TUSC3: variants seen among roughly 807,000 people sequenced by gnomAD.
The protein encoded by TUSC3 is tumor suppressor candidate 3.
TUSC3 carries 45 observed loss-of-function variants against 44.8 expected under a neutral mutation model. That is an observed-to-expected ratio of 1.00 (90% CI 0.79 to 1.29). The LOEUF is 1.29. Among genes scored for constraint, TUSC3 ranks in the 50% most tolerant of loss-of-function variants. The pLI is 0.00. For synonymous variants in TUSC3, 212 were observed against 152.9 expected (o/e 1.39, Z -2.85); for missense variants, 519 against 437.9 (o/e 1.19, Z -1.65).
chr8:15,578,562 C>A (rs28776271), intron 1 of TUSC3, among the ~76,000 whole-genome samples: 5,180 of 134,476 alleles, frequency 0.039, 61 homozygotes, highest in Middle Eastern at 0.061. Context: ...TTCTGCATCT[C>A]TTGAGATAAT....
intron 6 of TUSC3, among the ~76,000 whole-genome samples, chr8:15,722,891 C>G (rs1354187947): frequency 2.6e-5 from 4 of 152,130 alleles, no homozygotes; most frequent in African/African-American, 7.2e-5. Context: ...TTTCTGAAAG[C>G]TTTCACAATA....
At chr8:15,839,172 T>C in the TUSC3 span, among the ~76,000 whole-genome samples, 1 of 152,158 alleles carries the variant, frequency 6.6e-6, no homozygotes, top group Non-Finnish European at 1.5e-5. Context: ...CTGTTATTGG[T>C]GTATAGGAAT....
intron 1 of TUSC3, among the ~76,000 whole-genome samples, chr8:15,552,909 T>A (rs1341569889): frequency 6.6e-6 from 1 of 151,660 alleles, no homozygotes; most frequent in Non-Finnish European, 1.5e-5. Flanking sequence ...TAATGATGAC[T>A]TGAAATTAGT....
chr8:15,502,734 C>T (rs1267559069), intron 2 of TUSC3, among the ~76,000 whole-genome samples: 1 of 152,118 alleles, frequency 6.6e-6, no homozygotes, highest in African/African-American at 2.4e-5. Flanking sequence ...CTCGTGATCC[C>T]CCTGCCTTGG....
chr8:15,847,197 G>T, the TUSC3 span, among the ~76,000 whole-genome samples: 1 of 152,180 alleles, frequency 6.6e-6, no homozygotes, highest in Non-Finnish European at 1.5e-5. Context: ...TGAACCCCTG[G>T]GTTGTAGCAC....
intron 1 of TUSC3, among the ~76,000 whole-genome samples, chr8:15,617,650 A>T (rs1180011893): frequency 1.3e-5 from 2 of 152,202 alleles, no homozygotes; most frequent in African/African-American, 4.8e-5. Context: ...AAACAAAAAT[A>T]ACTTGAGTAT....
chr8:15,540,639 C>A (rs1459677093), intron 1 of TUSC3, 71 bp downstream of exon 1: 8 of 1,453,230 alleles, frequency 5.5e-6, no homozygotes, highest in Non-Finnish European at 7.3e-6. Flanking sequence ...GCCAGGCAGC[C>A]CTGCCGTGTT....
chr8:15,452,994 C>T (rs540320592), intron 1 of TUSC3, among the ~76,000 whole-genome samples: 1 of 152,040 alleles, frequency 6.6e-6, no homozygotes, highest in South Asian at 2.1e-4. Flanking sequence ...GTCACAAGTA[C>T]CACTTTTAAT....
Position 15,543,817 on chromosome 8 carries a change from G to A in TUSC3, c.138+3249G>A, listed in dbSNP as rs1801771833. Among the ~76,000 whole-genome samples, 3 of 149,284 alleles carry A rather than the reference G, an allele frequency of 2.0e-5. No individual in the cohort carries two copies. In the South Asian group the frequency reaches 6.3e-4, roughly 31 times the overall value. ...TGTGGAATAGTCTATTGCTTATCATGAAACACCGAGAATTCCAAATTCTCT... is the reference window on the plus strand; with the variant it reads ...TGTGGAATAGTCTATTGCTTATCATAAAACACCGAGAATTCCAAATTCTCT... On this transcript the variant is annotated intron_variant, in intron 1 of 10. Coordinates refer to ENST00000503731, the MANE Select transcript of TUSC3 (RefSeq NM_006765.4).
At chr8:15,837,989 C>G in the TUSC3 span, among the ~76,000 whole-genome samples, 1 of 152,166 alleles carries the variant, frequency 6.6e-6, no homozygotes, top group African/African-American at 2.4e-5. Flanking sequence ...GAACTGCAAT[C>G]ATGACTTACT....
intron 1 of TUSC3, among the ~76,000 whole-genome samples, chr8:15,583,721 T>G (rs906881872): frequency 6.6e-6 from 1 of 152,240 alleles, no homozygotes; most frequent in Non-Finnish European, 1.5e-5. Flanking sequence ...GTACATGCCA[T>G]ATTTTGTGGG....
intron 5 of TUSC3, among the ~76,000 whole-genome samples, chr8:15,671,970 G>T (rs1024086860): frequency 2.0e-5 from 3 of 151,960 alleles, no homozygotes; most frequent in Non-Finnish European, 1.5e-5. Context: ...AGTGCCTCCA[G>T]TAAGTAATTG....
At chr8:15,473,000 A>G (rs1800515353) in intron 1 of TUSC3, among the ~76,000 whole-genome samples, 1 of 152,190 alleles carries the variant, frequency 6.6e-6, no homozygotes, top group Non-Finnish European at 1.5e-5. Context: ...CAAATTATAG[A>G]AGTAGGATTC....
At chr8:15,819,781 T>C in the TUSC3 span, among the ~76,000 whole-genome samples, 1 of 152,204 alleles carries the variant, frequency 6.6e-6, no homozygotes, top group South Asian at 2.1e-4. Flanking sequence ...GCTCTTCAAA[T>C]TCAGAACTCA....
chr8:15,810,619 C>A, the TUSC3 span, among the ~76,000 whole-genome samples: 217 of 151,776 alleles, frequency 1.4e-3, 6 homozygotes, highest in East Asian at 0.029. Context: ...GGCTGGGTAA[C>A]AGAGCAAGAT....
chr8:15,443,093 T>C (rs1800041736), intron 1 of TUSC3, among the ~76,000 whole-genome samples: 1 of 152,210 alleles, frequency 6.6e-6, no homozygotes, highest in African/African-American at 2.4e-5. Context: ...AGTTGTATAC[T>C]GAAGTCTCTC....
chr8:15,658,431 C>A (rs1158303697), intron 3 of TUSC3, among the ~76,000 whole-genome samples: 2 of 152,136 alleles, frequency 1.3e-5, no homozygotes, highest in East Asian at 3.9e-4. Flanking sequence ...TTGTTATGGG[C>A]AGCTAAGCTT....
intron 6 of TUSC3, among the ~76,000 whole-genome samples, chr8:15,712,346 C>G (rs1476880252): frequency 6.6e-6 from 1 of 151,962 alleles, no homozygotes; most frequent in African/African-American, 2.4e-5. Flanking sequence ...CTGTCACTAC[C>G]TGTTCATTCC....
the TUSC3 span, among the ~76,000 whole-genome samples, chr8:15,776,069 G>T: frequency 2.6e-5 from 4 of 152,166 alleles, no homozygotes; most frequent in African/African-American, 9.6e-5. Flanking sequence ...ATACAGAATA[G>T]TTTCTCTATG....
Sources: allele counts gnomAD v4.1 joint callset (sites outside exome capture counted in the v4.1 genomes callset), GRCh38; gene constraint gnomAD v4.1.1; transcripts MANE v1.5; gene names NCBI Gene and HGNC (gene_info 2026-07-23, HGNC 2026-07-21).